The following ZNF385D variants were observed in gnomAD, a reference collection of about 807,000 sequenced individuals.
The protein encoded by ZNF385D is zinc finger protein 385D.
ZNF385D carries 15 observed loss-of-function variants against 35.8 expected under a neutral mutation model. The observed-to-expected ratio is 0.42, with a 90% CI of 0.28 to 0.64. The LOEUF is 0.64. Among genes scored for constraint, ZNF385D ranks in the 30% least tolerant of loss-of-function variants. ZNF385D has a pLI of 0.23. For synonymous variants in ZNF385D, 212 were observed against 186.8 expected (o/e 1.13, Z -1.10); for missense variants, 474 against 494.6 (o/e 0.96, Z 0.39).
chr3:22,027,088 G>T (rs553553765), intron 3 of ZNF385D, among the ~76,000 whole-genome samples: 1 of 152,172 alleles, frequency 6.6e-6, no homozygotes, highest in African/African-American at 2.4e-5. Context: ...CCTTCAGCTG[G>T]CAAGTGCAGC....
intron 4 of ZNF385D, among the ~76,000 whole-genome samples, chr3:21,439,148 A>G (rs1343348704): frequency 6.6e-6 from 1 of 152,048 alleles, no homozygotes; most frequent in Non-Finnish European, 1.5e-5. Flanking sequence ...TATTGTATAA[A>G]TTGTATGTAT....
intron 1 of ZNF385D, among the ~76,000 whole-genome samples, chr3:21,742,480 C>T (rs2069563482): frequency 2.0e-5 from 3 of 152,230 alleles, no homozygotes; most frequent in South Asian, 4.1e-4. Context: ...TCTATTCTTG[C>T]TCTTCCTCTA....
intron 3 of ZNF385D, among the ~76,000 whole-genome samples, chr3:22,046,856 T>G (rs1699034438): frequency 6.6e-6 from 1 of 152,168 alleles, no homozygotes; most frequent in Admixed American, 6.6e-5. Context: ...AATGTGGAAT[T>G]CATTTCATCA....
intron 3 of ZNF385D, among the ~76,000 whole-genome samples, chr3:22,004,629 A>C (rs940334471): frequency 6.6e-6 from 1 of 152,158 alleles, no homozygotes; most frequent in African/African-American, 2.4e-5. Flanking sequence ...TAAAGATAAA[A>C]ATGTTACATA....
chr3:21,719,246 G>A (rs1420084695), intron 1 of ZNF385D, among the ~76,000 whole-genome samples: 1 of 152,182 alleles, frequency 6.6e-6, no homozygotes, highest in African/African-American at 2.4e-5. Context: ...TCAGATCCCA[G>A]GTGGTCACGT....
intron 2 of ZNF385D, among the ~76,000 whole-genome samples, chr3:22,230,513 C>T (rs1698823646): frequency 1.3e-5 from 2 of 152,112 alleles, no homozygotes; most frequent in Non-Finnish European, 2.9e-5. Context: ...GGTCATCAGA[C>T]ACCCCTCCCT....
intron 2 of ZNF385D, among the ~76,000 whole-genome samples, chr3:21,661,859 A>C (rs1403918809): frequency 6.6e-6 from 1 of 152,160 alleles, no homozygotes; most frequent in Non-Finnish European, 1.5e-5. Flanking sequence ...TAGACGTTTC[A>C]TTCTTGCTGA....
intron 2 of ZNF385D, among the ~76,000 whole-genome samples, chr3:21,600,883 T>A (rs2059399): frequency 0.39 from 58,250 of 149,880 alleles, 12,089 homozygotes; most frequent in African/African-American, 0.56. Context: ...TTAAAAATAA[T>A]AAGTCAAAGG....
At chr3:22,298,928 A>C (rs1375581210) in intron 2 of ZNF385D, among the ~76,000 whole-genome samples, 1 of 151,992 alleles carries the variant, frequency 6.6e-6, no homozygotes, top group African/African-American at 2.4e-5. Flanking sequence ...TTAAAAAAGA[A>C]TTGCAACATT....
intron 3 of ZNF385D, among the ~76,000 whole-genome samples, chr3:21,811,686 A>G (rs2072927500): frequency 6.6e-6 from 1 of 152,212 alleles, no homozygotes; most frequent in African/African-American, 2.4e-5. Context: ...AAACTATAAA[A>G]TCATTATCAA....
intron 2 of ZNF385D, among the ~76,000 whole-genome samples, chr3:21,618,668 A>T (rs2064917305): frequency 1.3e-5 from 2 of 152,170 alleles, no homozygotes; most frequent in Admixed American, 1.3e-4. Context: ...TAGGTTCTGT[A>T]AGTATAAATT....
chr3:21,881,166 A>G (rs1184513341), intron 3 of ZNF385D, among the ~76,000 whole-genome samples: 2 of 152,036 alleles, frequency 1.3e-5, no homozygotes, highest in Admixed American at 1.3e-4. Flanking sequence ...GCTACAGTAC[A>G]CAACAGATTC....
At chr3:21,757,127 T>C (rs949721478) in intron 3 of ZNF385D, among the ~76,000 whole-genome samples, 2 of 100,124 alleles carry the variant, frequency 2.0e-5, no homozygotes, top group African/African-American at 8.3e-5. Context: ...TCTCTTTTTT[T>C]TTTTTTTTTT....
intron 3 of ZNF385D, among the ~76,000 whole-genome samples, chr3:21,553,338 A>T (rs898943159): frequency 6.6e-6 from 1 of 152,224 alleles, no homozygotes; most frequent in African/African-American, 2.4e-5. Context: ...TCATTTTGCA[A>T]TGCATATAAA....
intron 3 of ZNF385D, among the ~76,000 whole-genome samples, chr3:21,798,840 A>G (rs754298900): frequency 1.3e-5 from 2 of 152,188 alleles, no homozygotes; most frequent in Non-Finnish European, 2.9e-5. Flanking sequence ...CAATTTTAAA[A>G]TGTACAATTC....
At chr3:22,192,960 G>A (rs1576474099) in intron 2 of ZNF385D, among the ~76,000 whole-genome samples, 1 of 152,096 alleles carries the variant, frequency 6.6e-6, no homozygotes, top group Non-Finnish European at 1.5e-5. Context: ...ATAAAACTGG[G>A]TTTTTGACAA....
At chr3:21,425,703 G>T in intron 5 of ZNF385D, 33 bp from the exon 6 acceptor site, 1 of 1,477,000 alleles carries the variant, frequency 6.8e-7, no homozygotes, top group Non-Finnish European at 9.1e-7. Flanking sequence ...GGAAGGAAAG[G>T]AGGGAGGAAA....
chr3:21,852,084 A>G (rs1019933547), intron 3 of ZNF385D, among the ~76,000 whole-genome samples: 2 of 151,938 alleles, frequency 1.3e-5, no homozygotes, highest in Admixed American at 6.6e-5. Context: ...TAGATTCTCA[A>G]AATGTATTTT....
At chr3:21,857,982 T>C (rs1182331910) in intron 3 of ZNF385D, among the ~76,000 whole-genome samples, 2 of 151,840 alleles carry the variant, frequency 1.3e-5, no homozygotes, top group African/African-American at 4.8e-5. Context: ...GGTTCACACC[T>C]GTAATCCCAT....
Sources: gnomAD v4.1 joint callset for allele counts (sites outside exome capture counted in the v4.1 genomes callset) on GRCh38, gnomAD v4.1.1 for gene constraint, MANE v1.5 for transcripts, NCBI Gene and HGNC (gene_info 2026-07-23, HGNC 2026-07-21) for gene names.